SEC14L5: variants seen among roughly 807,000 people sequenced by gnomAD.
The protein encoded by SEC14L5 is SEC14 like lipid binding 5, also known as SEC14-like protein 5.
Under a neutral mutation model 84.6 loss-of-function variants are expected in SEC14L5, and 96 were observed. The observed-to-expected ratio is 1.13, with a 90% CI of 0.96 to 1.34. The LOEUF (loss-of-function observed/expected upper bound fraction) is 1.34, where lower values mean the gene tolerates loss of function less well. Ranked by LOEUF, SEC14L5 falls within the 40% of genes most tolerant of loss-of-function variation. The pLI is 0.00. For synonymous variants in SEC14L5, 546 were observed against 383.4 expected (o/e 1.42, Z -4.95); for missense variants, 1,224 against 942.5 (o/e 1.30, Z -3.91).
intron 2 of SEC14L5, 46 bp downstream of exon 2, chr16:4,959,432 G>T (rs7200245): frequency 2.6e-6 from 4 of 1,520,736 alleles, no homozygotes; most frequent in Non-Finnish European, 3.7e-6. Flanking sequence ...AGTTGGAGGG[G>T]CTTGAGATCA....
At chr16:4,980,995 C>A (rs1020213012) in intron 2 of SEC14L5, among the ~76,000 whole-genome samples, 31 of 146,544 alleles carry the variant, frequency 2.1e-4, no homozygotes, top group African/African-American at 7.4e-4. Flanking sequence ...GCAAAGCTGG[C>A]GTGGCTGGAG....
At chr16:4,975,604 G>A (rs1955330760) in intron 2 of SEC14L5, among the ~76,000 whole-genome samples, 1 of 151,554 alleles carries the variant, frequency 6.6e-6, no homozygotes, top group Non-Finnish European at 1.5e-5. Context: ...CCATATTTTT[G>A]CAATTGTGAA....
intron 12 of SEC14L5, among the ~76,000 whole-genome samples, chr16:5,006,670 T>TA (rs1232706465): frequency 1.3e-5 from 2 of 152,232 alleles, no homozygotes; most frequent in East Asian, 1.9e-4. Context: ...TTCTGGATTT[T>TA]AAAAAAGTCT....
chr16:4,978,948 C>A (rs1414936976), intron 2 of SEC14L5, among the ~76,000 whole-genome samples: 8 of 152,190 alleles, frequency 5.3e-5, no homozygotes, highest in Non-Finnish European at 1.2e-4. Context: ...TTTGCCCAGG[C>A]TGGTCTCGAA....
In SEC14L5 at chr16:5,008,479, G is replaced by A. The variant is rs1189134216; in HGVS notation, c.1631G>A (p.Arg544Gln). The A allele has an allele frequency of 3.7e-6, 6 of 1,613,456 alleles. No individual in the cohort carries two copies. The highest frequency in any genetic ancestry group is 2.2e-5 in the South Asian group (2 of 91,068). ...SVITWDFDIL[R>Q]GDVVFSLYHT... ...ATCACCTGGGACTTTGACATCCTGC[G>A]AGGGGACGTGGTGTTCAGCCTGTAC... Residue 544 changes from arginine to glutamine, a missense_variant, in exon 14 of 16, where the codon CGA becomes CAA. Arg to Gln is a conservative substitution (Grantham distance 43). Coordinates refer to ENST00000251170, the MANE Select transcript of SEC14L5 (RefSeq NM_014692.2).
At chr16:5,006,083 TGAG>T (rs759803797) in intron 12 of SEC14L5, 35 bp downstream of exon 12, 10 of 1,606,852 alleles carry the variant, frequency 6.2e-6, no homozygotes, top group African/African-American at 5.4e-5. Flanking sequence ...GACCTGGGCT[TGAG>T]GAGGGGGCAT....
chr16:4,964,452 G>A (rs967261101), intron 2 of SEC14L5, among the ~76,000 whole-genome samples: 6 of 152,032 alleles, frequency 3.9e-5, no homozygotes, highest in African/African-American at 1.4e-4. Context: ...TAAGTGTGGT[G>A]GTGCATGCTT....
intron 2 of SEC14L5, among the ~76,000 whole-genome samples, chr16:4,960,013 A>T (rs1955100696): frequency 6.6e-6 from 1 of 152,084 alleles, no homozygotes; most frequent in Admixed American, 6.6e-5. Context: ...GAGAGAGAGA[A>T]TGAGTGGGTA....
At chr16:4,969,636 G>T (rs534391978) in intron 2 of SEC14L5, among the ~76,000 whole-genome samples, 144 of 152,148 alleles carry the variant, frequency 9.5e-4, no homozygotes, top group African/African-American at 3.4e-3. Flanking sequence ...CACCCACCTT[G>T]GCCTCCCAAA....
In SEC14L5 at chr16:5,017,624, A is replaced by G. The variant is rs762096554; in HGVS notation, c.*2654A>G. The G allele has an allele frequency of 6.6e-6, 1 of 152,238 alleles. No homozygotes were observed. Among genetic ancestry groups the G allele is most frequent in the Non-Finnish European group, 1.5e-5 (1 of 68,060 alleles). The allele number at this position is 152,238 out of a possible 1,614,324, so 9.4% of individuals were successfully genotyped here. A position where few individuals can be genotyped will look rare whatever the true frequency, so the allele number is the denominator to read the frequency against. ...CTGTGGGCCACACTGGCAAGGAACT[A>G]GGGTCCCGTGATTGACATTCCCTGC... On this transcript the variant is annotated 3_prime_UTR_variant, in exon 16 of 16. Coordinates refer to ENST00000251170, the MANE Select transcript of SEC14L5 (RefSeq NM_014692.2).
At chr16:4,993,677 A>G (rs1955576627) in intron 6 of SEC14L5, among the ~76,000 whole-genome samples, 1 of 152,276 alleles carries the variant, frequency 6.6e-6, no homozygotes, top group Non-Finnish European at 1.5e-5. Flanking sequence ...GTCTGTAAGT[A>G]TATACAAAGC....
chr16:4,967,830 C>T (rs1416175988), intron 2 of SEC14L5, among the ~76,000 whole-genome samples: 1 of 151,224 alleles, frequency 6.6e-6, no homozygotes, highest in African/African-American at 2.4e-5. Context: ...GTCACTTGAA[C>T]TCCTGACCTC....
intron 8 of SEC14L5, among the ~76,000 whole-genome samples, chr16:5,000,129 A>T (rs972230231): frequency 1.3e-5 from 2 of 151,956 alleles, no homozygotes; most frequent in Admixed American, 6.6e-5. Context: ...CATTTCTACT[A>T]AAAATACGAA....
chr16:4,982,984 C>G (rs1955442093), intron 2 of SEC14L5, among the ~76,000 whole-genome samples: 1 of 151,930 alleles, frequency 6.6e-6, no homozygotes. Context: ...ACTCCTTAAA[C>G]TACTCATATA....
chr16:5,008,741 G>T, intron 14 of SEC14L5, 93 bp downstream of exon 14: 1 of 1,133,208 alleles, frequency 8.8e-7, no homozygotes, highest in East Asian at 2.4e-5. Flanking sequence ...AGGACATACT[G>T]GGCTGCTGGT....
rs1955560045 is a variant in SEC14L5 at position 4,992,163 on chromosome 16, A to C, written c.667+133A>C. 22 of 567,554 alleles carry C rather than the reference A, an allele frequency of 3.9e-5. No homozygotes were observed. In the South Asian group the frequency reaches 5.5e-4, roughly 14 times the overall value. 35.2% of individuals were successfully genotyped at this position (567,554 alleles called of 1,614,324 possible). A position where few individuals can be genotyped will look rare whatever the true frequency, so the allele number is the denominator to read the frequency against. On this transcript the variant is annotated intron_variant, in intron 6 of 15. Coordinates refer to ENST00000251170, the MANE Select transcript of SEC14L5 (RefSeq NM_014692.2). ...GGGAATGGGTCTGGGTCTTGGAACG[A>C]CACCGCCTCCTGCCTCCACTGAGTG...
intron 2 of SEC14L5, among the ~76,000 whole-genome samples, chr16:4,966,055 A>T (rs1444678451): frequency 6.7e-6 from 1 of 149,260 alleles, no homozygotes; most frequent in Non-Finnish European, 1.5e-5. Context: ...AAATAAAATT[A>T]AAAAAAATGT....
In SEC14L5 at chr16:5,018,400, C is replaced by T. The variant is rs769405502; in HGVS notation, c.*3430C>T. On this transcript the variant is annotated 3_prime_UTR_variant, in exon 16 of 16. Transcript: ENST00000251170. ...TGCTTGTGTGGGCGGGGCGTGGTGG[C>T]TCATGCCTATAATCCCAACACTTTG... The T allele has an allele frequency of 1.3e-5, 2 of 152,234 alleles. No homozygotes were observed. Among genetic ancestry groups the T allele is most frequent in the Non-Finnish European group, 2.9e-5 (2 of 68,072 alleles). The allele number at this position is 152,234 out of a possible 1,614,324, so 9.4% of individuals were successfully genotyped here. A position where few individuals can be genotyped will look rare whatever the true frequency, so the allele number is the denominator to read the frequency against.
intron 2 of SEC14L5, among the ~76,000 whole-genome samples, chr16:4,980,760 G>C (rs1032711839): frequency 6.6e-6 from 1 of 152,106 alleles, no homozygotes; most frequent in East Asian, 1.9e-4. Flanking sequence ...GTGCCTAGGA[G>C]GGGGAAGGGA....
Sources: gnomAD v4.1 joint callset for allele counts (sites outside exome capture counted in the v4.1 genomes callset) on GRCh38, gnomAD v4.1.1 for gene constraint, MANE v1.5 for transcripts, NCBI Gene and HGNC (gene_info 2026-07-23, HGNC 2026-07-21) for gene names.